IL22RA1: variants seen among roughly 807,000 people sequenced by gnomAD.
IL22RA1 encodes interleukin-22 receptor subunit alpha-1.
In IL22RA1, 25 loss-of-function variants were observed where a neutral mutation model predicts 32.8. The observed-to-expected ratio is 0.76, with a 90% CI of 0.55 to 1.06. The LOEUF (loss-of-function observed/expected upper bound fraction) is 1.06. Ranked by LOEUF, IL22RA1 falls within the 50% of genes least tolerant of loss-of-function variation. The probability of loss-of-function intolerance (pLI) is 0.00; values close to 1 mark genes in which losing one functional copy is unlikely to be tolerated. For missense variants in IL22RA1, 709 were observed against 727.4 expected, an observed-to-expected ratio of 0.97 and a Z score of 0.29; for synonymous variants, 305 against 305.0, an observed-to-expected ratio of 1.00 and a Z score of 0.00.
At chr1:24,139,388 C>T (rs987695925) in intron 1 of IL22RA1, among the ~76,000 whole-genome samples, 11 of 152,214 alleles carry the variant, frequency 7.2e-5, no homozygotes, top group African/African-American at 2.7e-4. Flanking sequence ...AATAATGCTG[C>T]TGTGAACACC....
At chr1:24,142,420 C>T (rs1282294587) in intron 1 of IL22RA1, among the ~76,000 whole-genome samples, 1 of 152,236 alleles carries the variant, frequency 6.6e-6, no homozygotes, top group Non-Finnish European at 1.5e-5. Context: ...GAGCCCCCCA[C>T]TCCGCTCACT....
Position 24,128,173 on chromosome 1 carries a change from G to A in IL22RA1, c.638C>T (p.Ala213Val). The change falls in exon 5 of 7, where the codon GCC becomes GTC. Residue 213 changes from alanine (A) to valine (V), a missense_variant. Physicochemically the swap from Ala to Val is moderately conservative, Grantham distance 64. Transcript: ENST00000270800. The stretch of plus-strand genomic sequence containing the variant: ...TGTCTTCACTCGGCACATGTAGGGG[G>A]CACTCTCCTTGGCCCAGGTGGGAAC... Reference protein sequence around the residue: ...ICVPTWAKESAPYMCRVKTLP... With the variant: ...ICVPTWAKESVPYMCRVKTLP... 1.3e-6 allele frequency: 2 copies of A among 1,581,670 alleles called. No homozygotes were observed. The highest frequency in any genetic ancestry group is 1.2e-5 in the South Asian group (1 of 86,506).
chr1:24,143,084 G>T lies in IL22RA1; in HGVS notation c.-2C>A. 2 of 1,612,638 alleles carry T rather than the reference G, an allele frequency of 1.2e-6. No individual in the cohort carries two copies. Among genetic ancestry groups the T allele is most frequent in the South Asian group, 1.1e-5 (1 of 90,558 alleles). On this transcript the variant is annotated 5_prime_UTR_variant, in exon 1 of 7. Transcript: ENST00000270800. ...CAAGATGGTCAGCAGCGTCCTCATCGGGGCTGGCACAGAGCCCTCCCTTGG... is the reference window on the plus strand; with the variant it reads ...CAAGATGGTCAGCAGCGTCCTCATCTGGGCTGGCACAGAGCCCTCCCTTGG...
chr1:24,139,317 C>T (rs1260874438), intron 1 of IL22RA1, among the ~76,000 whole-genome samples: 2 of 152,174 alleles, frequency 1.3e-5, no homozygotes, highest in African/African-American at 4.8e-5. Flanking sequence ...GTGTGATATA[C>T]CACATTTTGT....
intron 5 of IL22RA1, 23 bp downstream of exon 5, chr1:24,128,118 C>A: frequency 6.7e-7 from 1 of 1,496,214 alleles, no homozygotes; most frequent in Non-Finnish European, 8.9e-7. Flanking sequence ...GCCCCACCTC[C>A]CTCTGGTTTC....
At chr1:24,135,843 G>A in intron 3 of IL22RA1, among the ~76,000 whole-genome samples, 1 of 152,176 alleles carries the variant, frequency 6.6e-6, no homozygotes, top group East Asian at 1.9e-4. Context: ...CTCCTACTGG[G>A]TCCTTCCCAC....
intron 5 of IL22RA1, among the ~76,000 whole-genome samples, chr1:24,126,492 CTGAG>C (rs1644162371): frequency 6.6e-6 from 1 of 152,208 alleles, no homozygotes; most frequent in South Asian, 2.1e-4. Context: ...CTCCCAGAGG[CTGAG>C]TGACTCCCCC....
At chr1:24,132,570 G>A (rs557309705) in intron 4 of IL22RA1, among the ~76,000 whole-genome samples, 1 of 151,908 alleles carries the variant, frequency 6.6e-6, no homozygotes, top group African/African-American at 2.4e-5. Context: ...CTGACCTCGT[G>A]ATCCGCCCGC....
intron 4 of IL22RA1, among the ~76,000 whole-genome samples, chr1:24,130,943 G>T (rs187160330): frequency 5.1e-4 from 78 of 152,288 alleles, no homozygotes; most frequent in African/African-American, 1.8e-3. Flanking sequence ...GACCTCAAGT[G>T]ATCCACCCAC....
At chr1:24,142,694 G>C (rs566692852) in intron 1 of IL22RA1, among the ~76,000 whole-genome samples, 1 of 152,178 alleles carries the variant, frequency 6.6e-6, no homozygotes, top group Non-Finnish European at 1.5e-5. Context: ...AAACTGTGCC[G>C]ACACCGTTTG....
intron 4 of IL22RA1, among the ~76,000 whole-genome samples, chr1:24,132,575 G>A (rs868200184): frequency 3.3e-5 from 5 of 151,734 alleles, no homozygotes; most frequent in South Asian, 4.2e-4. Flanking sequence ...CTCGTGATCC[G>A]CCCGCCTCGG....
chr1:24,128,812 A>G (rs1364809939), intron 4 of IL22RA1, among the ~76,000 whole-genome samples: 1 of 151,986 alleles, frequency 6.6e-6, no homozygotes, highest in Non-Finnish European at 1.5e-5. Context: ...TCACTTCCAT[A>G]TTCATCCTAG....
In IL22RA1 at chr1:24,128,074, G is replaced by C. The variant is rs1178648000; in HGVS notation, c.670+67C>G. On this transcript the variant is annotated intron_variant, in intron 5 of 6. Transcript: ENST00000270800. ...TGCCAAGTCTCACCTTGGTTACAGG[G>C]AGGAAAGAGAAGAGTCAAGACTTGA... The C allele has an allele frequency of 1.9e-5, 27 of 1,446,378 alleles. 1 individual carries two copies. In the East Asian group the frequency reaches 6.9e-4, roughly 37 times the overall value. 89.6% of individuals were successfully genotyped at this position (1,446,378 alleles called of 1,614,324 possible).
At position 24,121,024 on chromosome 1, in the gene IL22RA1, G is replaced by T; in HGVS notation, c.1506C>A (p.Val502=). The T allele has an allele frequency of 6.2e-7, 1 of 1,614,208 alleles. No homozygotes were observed. The highest frequency in any genetic ancestry group is 8.5e-7 in the Non-Finnish European group (1 of 1,180,016). ...LKGQLPLLSS[V]QIEGHPMSLP... is the part of the protein sequence containing the mutation. ...GGGACATGGGGTGGCCCTCGATCTG[G>T]ACTGAGGAGAGGAGGGGGAGCTGGC... The change falls in exon 7 of 7, where the codon GTC becomes GTA. Residue 502 remains valine, a synonymous_variant. Transcript: ENST00000270800.
chr1:24,123,847 T>C (rs1371392102), intron 5 of IL22RA1, among the ~76,000 whole-genome samples: 1 of 152,074 alleles, frequency 6.6e-6, no homozygotes, highest in Non-Finnish European at 1.5e-5. Context: ...CACATGTGTA[T>C]AGATGCCCCA....
rs751927284 is a variant in IL22RA1 at position 24,123,490 on chromosome 1, G to A, written c.671-67C>T. 1.1e-5 allele frequency: 18 copies of A among 1,571,216 alleles called. No individual in the cohort carries two copies. In the African/African-American group the frequency reaches 2.0e-4, roughly 18 times the overall value. ...GCTCTGCCTGGGCCCGGTTGGGTCT[G>A]GCCCCACATGTGGATGCTGAAAACC... On this transcript the variant is annotated intron_variant, in intron 5 of 6. Coordinates refer to ENST00000270800, the MANE Select transcript of IL22RA1 (RefSeq NM_021258.4).
intron 4 of IL22RA1, among the ~76,000 whole-genome samples, chr1:24,130,441 A>G (rs544270312): frequency 6.6e-6 from 1 of 152,324 alleles, no homozygotes; most frequent in South Asian, 2.1e-4. Flanking sequence ...GGTAGACTCC[A>G]AGCAGCCCAG....
chr1:24,132,392 C>T (rs572516263), intron 4 of IL22RA1, among the ~76,000 whole-genome samples: 13 of 145,936 alleles, frequency 8.9e-5, no homozygotes, highest in African/African-American at 2.8e-4. Context: ...AGTGCAGTGG[C>T]GCGATCTTGG....
chr1:24,121,669 A>C lies in IL22RA1; in HGVS notation c.861T>G (p.Phe287Leu). 2 of 1,605,208 alleles carry C rather than the reference A, an allele frequency of 1.2e-6. No homozygotes were observed. Among genetic ancestry groups the C allele is most frequent in the Non-Finnish European group, 1.7e-6 (2 of 1,174,656 alleles). The change falls in exon 7 of 7, where the codon TTT (phenylalanine) becomes TTG (leucine). Residue 287 changes from phenylalanine to leucine, a missense_variant. Transcript: ENST00000270800. The stretch of plus-strand genomic sequence containing the variant: ...CCAGACTGCTGGGGCCGCTGAGGTC[A>C]AAGACAGGGATCAGGACGTGCTCCT... ...FIQEHVLIPV[F>L]DLSGPSSLAQ...
Sources: gnomAD v4.1 joint callset for allele counts (sites outside exome capture counted in the v4.1 genomes callset) on GRCh38, gnomAD v4.1.1 for gene constraint, MANE v1.5 for transcripts, NCBI Gene and HGNC (gene_info 2026-07-23, HGNC 2026-07-21) for gene names.